The following RBL1 variants were observed in gnomAD, a reference collection of about 807,000 sequenced individuals.
RBL1 encodes retinoblastoma-like protein 1.
Under a neutral mutation model 123.0 loss-of-function variants are expected in RBL1, and 82 were observed. The ratio of observed to expected loss-of-function variants is 0.67; its 90% CI spans 0.56 to 0.80. RBL1 has a LOEUF of 0.80. Ranked by LOEUF, RBL1 falls within the 30% of genes least tolerant of loss-of-function variation. RBL1 has a pLI of 0.00. For missense variants in RBL1, 1,171 were observed against 1,299.6 expected (o/e 0.90, Z 1.52); for synonymous variants, 405 against 441.3 (o/e 0.92, Z 1.03).
chr20:37,030,868 A>C (rs1296529286), intron 16 of RBL1, among the ~76,000 whole-genome samples: 3 of 146,830 alleles, frequency 2.0e-5, no homozygotes, highest in South Asian at 2.2e-4. Context: ...AAAAAAAAAA[A>C]CAAAAACAAA....
intron 12 of RBL1, among the ~76,000 whole-genome samples, chr20:37,046,609 C>CT (rs565859682): frequency 0.034 from 4,751 of 140,154 alleles, 243 homozygotes; most frequent in African/African-American, 0.11. Flanking sequence ...TATATATTAT[C>CT]TTTTTTTTTT....
chr20:37,001,143 C>T (rs1199602193), intron 21 of RBL1, among the ~76,000 whole-genome samples: 3 of 149,054 alleles, frequency 2.0e-5, no homozygotes, highest in Non-Finnish European at 3.0e-5. Flanking sequence ...GCCCCCCGCC[C>T]GGCCAGCCGC....
intron 2 of RBL1, among the ~76,000 whole-genome samples, chr20:37,076,336 G>C (rs1474956622): frequency 6.6e-6 from 1 of 152,134 alleles, no homozygotes; most frequent in African/African-American, 2.4e-5. Flanking sequence ...TAATAAAATA[G>C]AACAATTATA....
At position 36,997,614 on chromosome 20, in the gene RBL1, G is replaced by A. The variant is rs1022751000; in HGVS notation, c.*1145C>T. 6.6e-6 allele frequency: 1 copy of A among 151,836 alleles called. No homozygotes were observed. Among genetic ancestry groups the A allele is most frequent in the African/African-American group, 2.4e-5 (1 of 41,424 alleles). 9.4% of individuals were successfully genotyped at this position (151,836 alleles called of 1,614,324 possible). On this transcript the variant is annotated 3_prime_UTR_variant, in exon 22 of 22. Coordinates refer to ENST00000373664, the MANE Select transcript of RBL1 (RefSeq NM_002895.5). ...ACTGATAACTATGATCTCAAAAACA[G>A]TATATCACACATAATCATGGTGTTA...
chr20:37,087,259 C>T (rs771607623), intron 2 of RBL1, among the ~76,000 whole-genome samples: 17 of 151,806 alleles, frequency 1.1e-4, no homozygotes, highest in South Asian at 8.3e-4. Context: ...CGCTTGAACC[C>T]GGGAGGCGGA....
intron 19 of RBL1, among the ~76,000 whole-genome samples, chr20:37,010,639 G>A (rs2064134784): frequency 6.6e-6 from 1 of 152,080 alleles, no homozygotes; most frequent in Non-Finnish European, 1.5e-5. Context: ...AAGTATTTGT[G>A]CATCTAAATA....
At chr20:37,018,415 C>T (rs751040144) in intron 18 of RBL1, 46 bp from the exon 19 acceptor site, 22 of 1,544,722 alleles carry the variant, frequency 1.4e-5, no homozygotes, top group Non-Finnish European at 1.5e-5. Context: ...CACAGAGGTA[C>T]AGGTTAAACA....
chr20:37,062,963 C>T (rs1279548797), intron 7 of RBL1, among the ~76,000 whole-genome samples: 1 of 152,074 alleles, frequency 6.6e-6, no homozygotes, highest in Non-Finnish European at 1.5e-5. Context: ...GCCTGGGCGA[C>T]AGAGCGAGAC....
intron 2 of RBL1, among the ~76,000 whole-genome samples, chr20:37,070,131 C>A (rs979218856): frequency 1.3e-5 from 2 of 152,156 alleles, no homozygotes; most frequent in East Asian, 1.9e-4. Context: ...ACTAAGAAAA[C>A]TTCTTCTGCC....
At position 37,018,354 on chromosome 20, in the gene RBL1, G is replaced by T; in HGVS notation, c.2647C>A (p.Leu883Met). The T allele has an allele frequency of 6.2e-7, 1 of 1,611,640 alleles. No homozygotes were observed. ...ACTTCTCTTGGAATACTTTTCAGCA[G>T]AACACTTCTATATACCTACATGCCA... ...QANSHVYRSV[L>M]LKSIPREVVA... The change falls in exon 19 of 22, where the codon CTG becomes ATG. Residue 883 changes from leucine to methionine, a missense_variant. Leu to Met is a conservative substitution (Grantham distance 15). Coordinates refer to ENST00000373664, the MANE Select transcript of RBL1 (RefSeq NM_002895.5).
chr20:37,003,530 C>G, intron 21 of RBL1, 172 bp downstream of exon 21: 1 of 1,176,646 alleles, frequency 8.5e-7, no homozygotes, highest in South Asian at 3.2e-5. Context: ...ATGGATTAAA[C>G]TACCTCAAAC....
intron 11 of RBL1, among the ~76,000 whole-genome samples, chr20:37,048,868 T>C (rs562762678): frequency 4.2e-5 from 6 of 142,918 alleles, no homozygotes; most frequent in Admixed American, 7.3e-5. Flanking sequence ...GTTTTGACAC[T>C]AGCCTGAGCA....
At chr20:37,087,136 A>G (rs1377395538) in intron 2 of RBL1, among the ~76,000 whole-genome samples, 1 of 152,198 alleles carries the variant, frequency 6.6e-6, no homozygotes, top group East Asian at 1.9e-4. Context: ...GGAGTTTGAG[A>G]CCAGCCTGGC....
Position 37,011,409 on chromosome 20 carries a change from C to G in RBL1, c.2723-3850G>C, listed in dbSNP as rs373933010. On this transcript the variant is annotated intron_variant, in intron 19 of 21. Coordinates refer to ENST00000373664, the MANE Select transcript of RBL1 (RefSeq NM_002895.5). ...ATCTCAGTCAATGACCAATGCTTTGCTCATTAACATACTCAAGGTCAGAAT... is the reference window on the plus strand; with the variant it reads ...ATCTCAGTCAATGACCAATGCTTTGGTCATTAACATACTCAAGGTCAGAAT... Among the ~76,000 whole-genome samples the G allele has an allele frequency of 3.3e-5, 5 of 150,908 alleles. No individual in the cohort carries two copies. The South Asian group carries it at 1.1e-3, about 32-fold the overall frequency.
chr20:37,041,764 T>C (rs1360780829), intron 13 of RBL1, among the ~76,000 whole-genome samples: 2 of 152,118 alleles, frequency 1.3e-5, no homozygotes, highest in Non-Finnish European at 2.9e-5. Flanking sequence ...ATATCTGAAT[T>C]GGACACCATC....
At chr20:37,011,386 C>A (rs1657774909) in intron 19 of RBL1, among the ~76,000 whole-genome samples, 1 of 151,706 alleles carries the variant, frequency 6.6e-6, no homozygotes, top group Admixed American at 6.6e-5. Flanking sequence ...CTAGGCATAT[C>A]TCAGTCAATG....
intron 16 of RBL1, among the ~76,000 whole-genome samples, chr20:37,031,808 G>A (rs1452426873): frequency 2.6e-5 from 4 of 151,498 alleles, no homozygotes; most frequent in East Asian, 3.9e-4. Flanking sequence ...GTGTGATCTC[G>A]ACTCACTGTA....
Position 37,086,093 on chromosome 20 carries a change from C to A in RBL1, c.290+2896G>T, listed in dbSNP as rs148768666. Among the ~76,000 whole-genome samples the A allele has an allele frequency of 3.0e-3, 456 of 152,170 alleles. 5 individuals carry two copies. Among genetic ancestry groups the A allele is most frequent in the Admixed American group, 0.01 (159 of 15,256 alleles). ...GCTCTACATTTGTTTTGTTATAATTCTTTTTTGTTTAGTTCCCCCAGAATC... is the reference window on the plus strand; with the variant it reads ...GCTCTACATTTGTTTTGTTATAATTATTTTTTGTTTAGTTCCCCCAGAATC... On this transcript the variant is annotated intron_variant, in intron 2 of 21. Transcript: ENST00000373664.
chr20:37,082,070 G>A, intron 2 of RBL1: 1 of 454,122 alleles, frequency 2.2e-6, no homozygotes, highest in Admixed American at 2.4e-5. Flanking sequence ...TGCCGGGGGA[G>A]CCTGCAAGGC....
Sources: gnomAD v4.1 joint callset for allele counts (sites outside exome capture counted in the v4.1 genomes callset) on GRCh38, gnomAD v4.1.1 for gene constraint, MANE v1.5 for transcripts, NCBI Gene and HGNC (gene_info 2026-07-23, HGNC 2026-07-21) for gene names.